TRPM7: variants seen among roughly 807,000 people sequenced by gnomAD.
The protein encoded by TRPM7 is transient receptor potential cation channel subfamily M member 7, also known as LTRPC ion channel family member 7.
A neutral mutation model predicts 229.7 loss-of-function variants in TRPM7; 134 were observed. That is an observed-to-expected ratio of 0.58 (90% CI 0.51 to 0.67). TRPM7 has a LOEUF of 0.67. TRPM7 is among the 30% of genes least tolerant of loss of function. The probability of loss-of-function intolerance (pLI) is 0.00; values close to 1 mark genes in which losing one functional copy is unlikely to be tolerated. For missense variants in TRPM7, 1,901 were observed against 2,210.0 expected (o/e 0.86, Z 2.80); for synonymous variants, 699 against 715.2 (o/e 0.98, Z 0.36).
chr15:50,654,534 G>C (rs1402508644), intron 3 of TRPM7, among the ~76,000 whole-genome samples: 1 of 151,384 alleles, frequency 6.6e-6, no homozygotes, highest in Non-Finnish European at 1.5e-5. Flanking sequence ...GCAAATGTTG[G>C]AATCAGTAGA....
chr15:50,639,520 G>T lies in TRPM7; in HGVS notation c.564C>A (p.Leu188=), dbSNP rs1219143903. Residue 188 remains leucine, a synonymous_variant, in exon 6 of 39, where the codon CTC becomes CTA. Coordinates refer to ENST00000646667, the MANE Select transcript of TRPM7 (RefSeq NM_017672.6). ...GAGATGATCTGGAAGCATGTTCTTT[G>T]AGGGCATCTCCAACATGTTTTGCCA... ...TGVAKHVGDA[L]KEHASRSSRK... 1 of 1,611,056 alleles carries T rather than the reference G, an allele frequency of 6.2e-7. No individual in the cohort carries two copies. The highest frequency in any genetic ancestry group is 1.3e-5 in the African/African-American group (1 of 74,960).
At chr15:50,638,131 G>A (rs371801485) in intron 6 of TRPM7, among the ~76,000 whole-genome samples, 42 of 151,688 alleles carry the variant, frequency 2.8e-4, no homozygotes, top group East Asian at 1.7e-3. Context: ...AGGCCGAGGC[G>A]GGCGGATCAT....
At chr15:50,616,499 A>G (rs1596205594) in intron 13 of TRPM7, among the ~76,000 whole-genome samples, 1 of 152,168 alleles carries the variant, frequency 6.6e-6, no homozygotes, top group African/African-American at 2.4e-5. Flanking sequence ...TGACCAGAAT[A>G]AGCAAATCAT....
intron 21 of TRPM7, chr15:50,604,050 C>G (rs1368150260): frequency 6.6e-6 from 1 of 152,062 alleles, no homozygotes; most frequent in Non-Finnish European, 1.5e-5. Context: ...ATAGCAATAG[C>G]TATATTACAA....
At chr15:50,656,136 T>C (rs1429583500) in intron 3 of TRPM7, among the ~76,000 whole-genome samples, 2 of 152,156 alleles carry the variant, frequency 1.3e-5, no homozygotes. Context: ...AAAATTCATG[T>C]TCAGTTCAGT....
chr15:50,665,756 A>G (rs554163876), intron 1 of TRPM7, among the ~76,000 whole-genome samples: 1 of 152,166 alleles, frequency 6.6e-6, no homozygotes, highest in Admixed American at 6.6e-5. Flanking sequence ...GCACTTTGGG[A>G]GGCCGAGGTG....
intron 38 of TRPM7, among the ~76,000 whole-genome samples, chr15:50,567,535 C>T (rs2053655938): frequency 6.6e-6 from 1 of 151,944 alleles, no homozygotes; most frequent in Non-Finnish European, 1.5e-5. Flanking sequence ...CTACCACAGA[C>T]CAATATTCTT....
At chr15:50,650,192 CAAAAAAAAAAAAAAAAAA>C (rs59579538) in intron 3 of TRPM7, among the ~76,000 whole-genome samples, 1 of 62,292 alleles carries the variant, frequency 1.6e-5, no homozygotes, top group Middle Eastern at 0.011. Flanking sequence ...GACTTTGTCT[CAAAAAAAAAAAAAAAAAA>C]AAAAAAAAAA....
At chr15:50,624,713 G>A (rs1484657803) in intron 11 of TRPM7, among the ~76,000 whole-genome samples, 1 of 151,548 alleles carries the variant, frequency 6.6e-6, no homozygotes, top group Non-Finnish European at 1.5e-5. Context: ...CAGAAATCAT[G>A]CAATATGCTG....
chr15:50,596,233 A>T (rs377568425), intron 23 of TRPM7, 22 bp downstream of exon 23: 2 of 1,438,242 alleles, frequency 1.4e-6, no homozygotes, highest in Non-Finnish European at 9.3e-7. Context: ...TCTTATAACA[A>T]ACAATTGAAC....
chr15:50,608,098 A>AAAGAC (rs1469801012), intron 19 of TRPM7, among the ~76,000 whole-genome samples: 3 of 151,800 alleles, frequency 2.0e-5, no homozygotes, highest in Admixed American at 6.6e-5. Flanking sequence ...GAAAAGAAAA[A>AAAGAC]AAGACAAGAC....
At chr15:50,613,630 T>G in intron 15 of TRPM7, 77 bp downstream of exon 15, 1 of 1,302,928 alleles carries the variant, frequency 7.7e-7, no homozygotes, top group Middle Eastern at 2.8e-4. Context: ...CAATTAGTTT[T>G]TTTTGTTTAA....
intron 23 of TRPM7, among the ~76,000 whole-genome samples, chr15:50,594,873 G>C (rs536619816): frequency 6.6e-6 from 1 of 152,214 alleles, no homozygotes; most frequent in South Asian, 2.1e-4. Flanking sequence ...AAAATACTCA[G>C]ACTTATTAGT....
rs375617132 is a variant in TRPM7 at position 50,606,750 on chromosome 15, C to G, written c.2709+450G>C. 7.2e-5 allele frequency among the ~76,000 whole-genome samples: 11 copies of G among 152,304 alleles called. No homozygotes were observed. The East Asian group carries it at 7.8e-4, about 11-fold the overall frequency. On this transcript the variant is annotated intron_variant, in intron 20 of 38. Transcript: ENST00000646667. ...CTGACCTCGAGTGATCCGCCCGCCT[C>G]AGCCTCCTAAGGTGCTGCCATTACA... is the stretch of plus-strand genomic sequence containing the variant.
chr15:50,576,705 A>G (rs2054152274), intron 31 of TRPM7, among the ~76,000 whole-genome samples: 1 of 152,206 alleles, frequency 6.6e-6, no homozygotes, highest in Non-Finnish European at 1.5e-5. Context: ...CATCATAGAA[A>G]TGATTCTCTA....
chr15:50,677,373 C>T (rs1567126235), intron 1 of TRPM7, among the ~76,000 whole-genome samples: 4 of 151,930 alleles, frequency 2.6e-5, no homozygotes, highest in African/African-American at 4.8e-5. Context: ...TATGAATTCT[C>T]GGGGAGCGAG....
At chr15:50,644,134 CTG>C (rs1338188314) in intron 4 of TRPM7, among the ~76,000 whole-genome samples, 1 of 152,054 alleles carries the variant, frequency 6.6e-6, no homozygotes, top group African/African-American at 2.4e-5. Context: ...TTTGATCAGA[CTG>C]AGAAATAATC....
chr15:50,641,949 G>C (rs1022884982), intron 5 of TRPM7, among the ~76,000 whole-genome samples: 3 of 150,222 alleles, frequency 2.0e-5, no homozygotes, highest in African/African-American at 7.4e-5. Flanking sequence ...GCAGTGAGCT[G>C]AGATGGCACC....
Position 50,569,992 on chromosome 15 carries a change from A to T in TRPM7, c.5362T>A (p.Ser1788Thr), listed in dbSNP as rs757154830. 5 of 1,604,550 alleles carry T rather than the reference A, an allele frequency of 3.1e-6. No individual in the cohort carries two copies. The African/African-American group carries it at 5.4e-5, about 17-fold the overall frequency. The change falls in exon 38 of 39, where the codon TCC becomes ACC. Residue 1788 changes from serine (S) to threonine (T), a missense_variant and splice_region_variant. Physicochemically the swap from Ser to Thr is moderately conservative, Grantham distance 58. Transcript: ENST00000646667. ...PSVIKAEEKR[S>T]CDMVFGPANL... ...GCTGGGCCAAAAACCATATCACAGG[A>T]TCTGTAGAATTGGTAATTTTAAAAA...
Sources: allele counts gnomAD v4.1 joint callset (sites outside exome capture counted in the v4.1 genomes callset), GRCh38; gene constraint gnomAD v4.1.1; transcripts MANE v1.5; gene names NCBI Gene and HGNC (gene_info 2026-07-23, HGNC 2026-07-21).